JAKMIP1: variants seen among roughly 807,000 people sequenced by gnomAD.
JAKMIP1 encodes the protein janus kinase and microtubule interacting protein 1.
A neutral mutation model predicts 113.0 loss-of-function variants in JAKMIP1; 33 were observed. The observed-to-expected ratio is 0.29, with a 90% confidence interval of 0.22 to 0.39. The LOEUF is 0.39. Ranked by LOEUF, JAKMIP1 falls within the 10% of genes least tolerant of loss-of-function variation. The probability of loss-of-function intolerance (pLI) is 1.00; values close to 1 mark genes in which losing one functional copy is unlikely to be tolerated. For missense variants in JAKMIP1, 813 were observed against 1,080.5 expected, an observed-to-expected ratio of 0.75 and a Z score of 3.47; for synonymous variants, 480 against 459.9, an observed-to-expected ratio of 1.04 and a Z score of -0.56.
chr4:6,082,372 G>A (rs1057157364), intron 5 of JAKMIP1, among the ~76,000 whole-genome samples: 2 of 151,240 alleles, frequency 1.3e-5, no homozygotes, highest in Admixed American at 6.6e-5. Context: ...GAAACCTACC[G>A]CCCCCCCAAA....
rs537736036 is a variant in JAKMIP1 at position 6,168,415 on chromosome 4, A to G, written c.-148+31838T>C. ...AATGTGCATCAGTTACAGATGGATA[A>G]ACAAAATGTGGTCTATGATATTCCA... On this transcript the variant is annotated intron_variant, in intron 1 of 20. Transcript: ENST00000409021. This position sits in a 1 kb window ranked among gnomAD's most constrained non-coding sequence, Gnocchi z 4.6. Among the ~76,000 whole-genome samples the G allele has an allele frequency of 6.6e-6, 1 of 152,348 alleles. No homozygotes were observed. The highest frequency in any genetic ancestry group is 2.1e-4 in the South Asian group (1 of 4,830).
At position 6,080,106 on chromosome 4, in the gene JAKMIP1, C is replaced by A; in HGVS notation, c.1242+66G>T. 6.6e-7 allele frequency: 1 copy of A among 1,507,262 alleles called. No individual in the cohort carries two copies. The highest frequency in any genetic ancestry group is 1.3e-5 in the South Asian group (1 of 75,852). 93.4% of individuals were successfully genotyped at this position (1,507,262 alleles called of 1,614,324 possible). On this transcript the variant is annotated intron_variant, in intron 7 of 20. Transcript: ENST00000409021. This position sits in a 1 kb window ranked among gnomAD's most constrained non-coding sequence, Gnocchi z 6.0. Reference sequence around the variant, plus strand: ...ATCACCCTGAGCCCCAACACCCGTTCCTGACACCCATGTCAGCTGGTGCCA... The same window carrying A: ...ATCACCCTGAGCCCCAACACCCGTTACTGACACCCATGTCAGCTGGTGCCA...
At chr4:6,113,126 A>G in intron 1 of JAKMIP1, 129 bp from the exon 2 acceptor site, 1 of 410,742 alleles carries the variant, frequency 2.4e-6, no homozygotes, top group Non-Finnish European at 4.4e-6. Context: ...ACTGACCTAG[A>G]GCCTTCCCGA....
intron 3 of JAKMIP1, among the ~76,000 whole-genome samples, chr4:6,105,109 G>A (rs1578245588): frequency 6.6e-6 from 1 of 152,196 alleles, no homozygotes; most frequent in Non-Finnish European, 1.5e-5. Context: ...CCTTGCTGTT[G>A]CAGCCAGTTG....
chr4:6,161,553 G>GA (rs34013600), intron 1 of JAKMIP1, among the ~76,000 whole-genome samples: 70,676 of 147,654 alleles, frequency 0.48, 19,932 homozygotes, highest in East Asian at 0.73. Flanking sequence ...AAACTCAGTG[G>GA]AAAAAAAAAA....
Position 6,167,331 on chromosome 4 carries a change from T to C in JAKMIP1, c.-148+32922A>G, listed in dbSNP as rs1723763776. Reference sequence around the variant, plus strand: ...TCCTCCTCCCCCTGACAGTGGCCCTTGTCTCCCTCCAGCCTCCTCTGCTCT... The same window carrying C: ...TCCTCCTCCCCCTGACAGTGGCCCTCGTCTCCCTCCAGCCTCCTCTGCTCT... On this transcript the variant is annotated intron_variant, in intron 1 of 20. Coordinates refer to ENST00000409021, the MANE Select transcript of JAKMIP1 (RefSeq NM_001099433.2). This position sits in a 1 kb window ranked among gnomAD's most constrained non-coding sequence, Gnocchi z 5.3. 6.6e-6 allele frequency among the ~76,000 whole-genome samples: 1 copy of C among 151,880 alleles called. No individual in the cohort carries two copies. The highest frequency in any genetic ancestry group is 2.4e-5 in the African/African-American group (1 of 41,364).
rs1351608165 is a variant in JAKMIP1 at position 6,194,797 on chromosome 4, G to C, written c.-148+5456C>G. ...CCAGTCTAAGCCACGGTGGGAGACA[G>C]GAGAGCAGGCAGCCTGTACCCAGGT... On this transcript the variant is annotated intron_variant, in intron 1 of 20. Transcript: ENST00000409021. The surrounding 1 kb of genome is among the most constrained non-coding windows in gnomAD (Gnocchi z 7.4). Among the ~76,000 whole-genome samples the C allele has an allele frequency of 6.6e-6, 1 of 152,182 alleles. No homozygotes were observed. The highest frequency in any genetic ancestry group is 1.5e-5 in the Non-Finnish European group (1 of 68,040).
rs1224700939 is a variant in JAKMIP1, at chr4:6,137,609, C to G, written c.-147-24612G>C. ...TCAGCCAATCCACACTCTCTCCGCACCTGGAGGCAATGACCCCCACAGGGG... is the reference window on the plus strand; with the variant it reads ...TCAGCCAATCCACACTCTCTCCGCAGCTGGAGGCAATGACCCCCACAGGGG... On this transcript the variant is annotated intron_variant, in intron 1 of 20. Coordinates refer to ENST00000409021, the MANE Select transcript of JAKMIP1 (RefSeq NM_001099433.2). This position sits in a 1 kb window ranked among gnomAD's most constrained non-coding sequence, Gnocchi z 4.5. 5.3e-5 allele frequency among the ~76,000 whole-genome samples: 8 copies of G among 152,258 alleles called. No individual in the cohort carries two copies. The highest frequency in any genetic ancestry group is 1.9e-4 in the African/African-American group (8 of 41,466).
intron 16 of JAKMIP1, among the ~76,000 whole-genome samples, chr4:6,045,697 A>G (rs1346959345): frequency 1.3e-5 from 2 of 151,996 alleles, no homozygotes; most frequent in Admixed American, 6.6e-5. Context: ...ACATGGAGAA[A>G]CCCGTCTCTA....
rs9990731 is a variant in JAKMIP1 at position 6,137,974 on chromosome 4, T to G, written c.-147-24977A>C. On this transcript the variant is annotated intron_variant, in intron 1 of 20. Coordinates refer to ENST00000409021, the MANE Select transcript of JAKMIP1 (RefSeq NM_001099433.2). The surrounding 1 kb of genome is among the most constrained non-coding windows in gnomAD (Gnocchi z 4.5). ...CCTTCCTGGCTTGCAGCTGAGGCTGTAACCAGCTCTGGGACAGTGGCTCCC... is the reference window on the plus strand; with the variant it reads ...CCTTCCTGGCTTGCAGCTGAGGCTGGAACCAGCTCTGGGACAGTGGCTCCC... Among the ~76,000 whole-genome samples the G allele has an allele frequency of 0.53, 81,227 of 152,020 alleles. 22,715 individuals are homozygous for G. Among genetic ancestry groups the G allele is most frequent in the East Asian group, 0.79 (4,049 of 5,128 alleles).
At chr4:6,182,419 AAAAAAAAGAAAG>A (rs1287122922) in intron 1 of JAKMIP1, among the ~76,000 whole-genome samples, 213 of 149,624 alleles carry the variant, frequency 1.4e-3, no homozygotes, top group Non-Finnish European at 2.6e-3. Context: ...AGAAAAAAAA[AAAAAAAAGAAAG>A]AAAGAAAGAA....
rs2109004947 is a variant in JAKMIP1 at position 6,162,241 on chromosome 4, A to G, written c.-148+38012T>C. ...GACCACTGGTCTTATGAGGAATGGG[A>G]CCTCTCAGCTGCTGGAAGGCCTACC... On this transcript the variant is annotated intron_variant, in intron 1 of 20. Coordinates refer to ENST00000409021, the MANE Select transcript of JAKMIP1 (RefSeq NM_001099433.2). This position sits in a 1 kb window ranked among gnomAD's most constrained non-coding sequence, Gnocchi z 5.6. Among the ~76,000 whole-genome samples, 1 of 152,138 alleles carries G rather than the reference A, an allele frequency of 6.6e-6. No individual in the cohort carries two copies. Among genetic ancestry groups the G allele is most frequent in the Non-Finnish European group, 1.5e-5 (1 of 67,984 alleles).
chr4:6,168,829 A>G lies in JAKMIP1; in HGVS notation c.-148+31424T>C, dbSNP rs2109015716. ...GTGGGAGAATCACTTGAGCCTGGGG[A>G]GGCTGAGGTTGCAGTGAGCTGTAAT... On this transcript the variant is annotated intron_variant, in intron 1 of 20. Transcript: ENST00000409021. The surrounding 1 kb of genome is among the most constrained non-coding windows in gnomAD (Gnocchi z 4.6). Among the ~76,000 whole-genome samples the G allele has an allele frequency of 6.6e-6, 1 of 151,944 alleles. No individual in the cohort carries two copies. The highest frequency in any genetic ancestry group is 6.5e-5 in the Admixed American group (1 of 15,274).
At chr4:6,174,218 A>G (rs1725072719) in intron 1 of JAKMIP1, among the ~76,000 whole-genome samples, 1 of 152,188 alleles carries the variant, frequency 6.6e-6, no homozygotes, top group African/African-American at 2.4e-5. Context: ...GCCTCAGAAC[A>G]CTTATTAATA....
Position 6,040,832 on chromosome 4 carries a change from A to T in JAKMIP1, c.2098-116T>A. 1 of 769,914 alleles carries T rather than the reference A, an allele frequency of 1.3e-6. No homozygotes were observed. Among genetic ancestry groups the T allele is most frequent in the South Asian group, 1.5e-5 (1 of 67,122 alleles). The allele number at this position is 769,914 out of a possible 1,614,324, so 47.7% of individuals were successfully genotyped here. ...ACCGAATTGGGGGCACTCAGATGAG[A>T]AGGGACTTGGTGGTCTTCCCCGTTT... On this transcript the variant is annotated intron_variant, in intron 17 of 20. Coordinates refer to ENST00000409021, the MANE Select transcript of JAKMIP1 (RefSeq NM_001099433.2). The surrounding 1 kb of genome is among the most constrained non-coding windows in gnomAD (Gnocchi z 5.8).
chr4:6,149,815 GA>G (rs959513231), intron 1 of JAKMIP1, among the ~76,000 whole-genome samples: 11 of 151,890 alleles, frequency 7.2e-5, no homozygotes, highest in Admixed American at 6.6e-5. Context: ...GCCCAGGCTC[GA>G]AAGCATCTCA....
At chr4:6,117,522 C>G (rs371781143) in intron 1 of JAKMIP1, among the ~76,000 whole-genome samples, 2 of 151,942 alleles carry the variant, frequency 1.3e-5, no homozygotes, top group African/African-American at 4.8e-5. Flanking sequence ...GGACCAGGAC[C>G]GAAGTGAAAT....
rs760236339 is a variant in JAKMIP1, at chr4:6,097,027, ACTCT to A, written c.624+8442_624+8445del. On this transcript the variant is annotated intron_variant, in intron 3 of 20. Coordinates refer to ENST00000409021, the MANE Select transcript of JAKMIP1 (RefSeq NM_001099433.2). This position sits in a 1 kb window ranked among gnomAD's most constrained non-coding sequence, Gnocchi z 4.3. ...GAATGTATTTATTTATTCAAGACAG[ACTCT>A]CTCTCTGTCACCCAGGCTGGAGTGC... 2.0e-5 allele frequency among the ~76,000 whole-genome samples: 3 copies of A among 151,896 alleles called. No homozygotes were observed. The highest frequency in any genetic ancestry group is 4.4e-5 in the Non-Finnish European group (3 of 67,968).
At chr4:6,043,266 T>C (rs1320898620) in intron 16 of JAKMIP1, among the ~76,000 whole-genome samples, 2 of 151,858 alleles carry the variant, frequency 1.3e-5, no homozygotes, top group Non-Finnish European at 2.9e-5. Context: ...GCACCCCCTT[T>C]CCTGACTCCA....
Sources: gnomAD v4.1 joint callset for allele counts (sites outside exome capture counted in the v4.1 genomes callset) on GRCh38, gnomAD v4.1.1 for gene constraint, Gnocchi (gnomAD v3.1) non-coding constraint, MANE v1.5 for transcripts, NCBI Gene and HGNC (gene_info 2026-07-23, HGNC 2026-07-21) for gene names.